The following BCL7B variants were observed in gnomAD, a reference collection of about 807,000 sequenced individuals.
BCL7B encodes BAF chromatin remodeling complex subunit BCL7B.
In BCL7B, 11 loss-of-function variants were observed where a neutral mutation model predicts 26.5. That is an observed-to-expected ratio of 0.42 (90% CI 0.26 to 0.69). BCL7B has a LOEUF of 0.69. Ranked by LOEUF, BCL7B falls within the 30% of genes least tolerant of loss-of-function variation. The probability of loss-of-function intolerance (pLI) is 0.28; values close to 1 mark genes in which losing one functional copy is unlikely to be tolerated. For synonymous variants in BCL7B, 111 were observed against 107.9 expected (o/e 1.03, Z -0.18); for missense variants, 215 against 264.4 (o/e 0.81, Z 1.30).
chr7:73,537,959 TC>T lies in BCL7B; in HGVS notation c.490del (p.Glu164LysfsTer6). 6.2e-7 allele frequency: 1 copy of T among 1,601,980 alleles called. No individual in the cohort carries two copies. The highest frequency in any genetic ancestry group is 8.5e-7 in the Non-Finnish European group (1 of 1,175,094). On this transcript the variant is annotated frameshift_variant, in exon 5 of 6. Transcript: ENST00000223368. LOFTEE classifies it high-confidence loss of function. The part of the protein sequence containing the change: ...VADEPPTLTK[E>X]EPVPLETQVV... Reference sequence around the variant, plus strand: ...CTGTGTCTCTAGTGGAACTGGTTCTTCCTTGGTGAGGGTAGGAGGTTCATCA... The same window carrying T: ...CTGTGTCTCTAGTGGAACTGGTTCTTCTTGGTGAGGGTAGGAGGTTCATCA...
chr7:73,552,372 G>T, intron 1 of BCL7B, 130 bp from the exon 2 acceptor site: 1 of 752,656 alleles, frequency 1.3e-6, no homozygotes. Flanking sequence ...TCTTGGTGGG[G>T]TATGGTAGCT....
intron 1 of BCL7B, 33 bp downstream of exon 1, chr7:73,557,453 AC>A (rs1554584883): frequency 9.5e-6 from 12 of 1,260,936 alleles, no homozygotes; most frequent in Admixed American, 3.6e-5. Context: ...TGGATCCGCG[AC>A]CCCCGCCAGC....
intron 2 of BCL7B, among the ~76,000 whole-genome samples, chr7:73,547,209 T>C (rs990685540): frequency 1.3e-5 from 2 of 151,708 alleles, no homozygotes; most frequent in African/African-American, 2.4e-5. Context: ...ACACCTGTGA[T>C]CCCAGCACTT....
chr7:73,553,970 C>CT (rs34326622), intron 1 of BCL7B, among the ~76,000 whole-genome samples: 1,889 of 127,844 alleles, frequency 0.015, 20 homozygotes, highest in Middle Eastern at 0.079. Context: ...ACAAAGGAGA[C>CT]TTTTTTTTTT....
intron 2 of BCL7B, 122 bp from the exon 3 acceptor site, chr7:73,543,766 AG>A: frequency 2.8e-6 from 2 of 724,018 alleles, no homozygotes; most frequent in Non-Finnish European, 4.6e-6. Flanking sequence ...AAACGACAGC[AG>A]CGTGAGAATC....
intron 2 of BCL7B, among the ~76,000 whole-genome samples, chr7:73,546,724 A>C (rs1417774423): frequency 1.3e-5 from 2 of 152,212 alleles, no homozygotes; most frequent in African/African-American, 4.8e-5. Context: ...GTTATGAAAA[A>C]TACAATTGCT....
intron 1 of BCL7B, 29 bp from the exon 2 acceptor site, chr7:73,552,271 TA>T: frequency 1.3e-6 from 2 of 1,554,964 alleles, no homozygotes; most frequent in Non-Finnish European, 1.8e-6. Context: ...TTAGAACGGA[TA>T]AAACAATGCA....
chr7:73,557,209 A>C (rs1554584819), intron 1 of BCL7B: 2 of 1,051,096 alleles, frequency 1.9e-6, no homozygotes, highest in African/African-American at 3.4e-5. Flanking sequence ...GACGCCAGGC[A>C]GCTCCAGTCC....
At chr7:73,548,934 A>AAAAC (rs781790517) in intron 2 of BCL7B, among the ~76,000 whole-genome samples, 4 of 152,106 alleles carry the variant, frequency 2.6e-5, no homozygotes, top group South Asian at 4.1e-4. Flanking sequence ...CCGTCTCAAA[A>AAAAC]AAACAAACAA....
rs1791695593 is a variant in BCL7B, at chr7:73,540,012, C to A, written c.306G>T (p.Gln102His). The change falls in exon 4 of 6, where the codon CAG (glutamine) becomes CAT (histidine). Residue 102 changes from glutamine to histidine, a missense_variant. Coordinates refer to ENST00000223368, the MANE Select transcript of BCL7B (RefSeq NM_001707.4). ...SNQSSVSDVY[Q>H]LKVDSSTNSS... is the part of the protein sequence containing the mutation. ...AGTTGGTGCTGCTGTCCACCTTAAGCTGATAGACGTCAGACACGGAACTCT... is the reference window on the plus strand; with the variant it reads ...AGTTGGTGCTGCTGTCCACCTTAAGATGATAGACGTCAGACACGGAACTCT... The A allele has an allele frequency of 2.5e-6, 4 of 1,613,900 alleles. No homozygotes were observed. The highest frequency in any genetic ancestry group is 3.4e-6 in the Non-Finnish European group (4 of 1,180,038).
chr7:73,542,708 G>C (rs1281779992), intron 3 of BCL7B: 2 of 214,548 alleles, frequency 9.3e-6, no homozygotes, highest in African/African-American at 4.5e-5. Flanking sequence ...GGCGGGATTG[G>C]TTTAGGAGGC....
chr7:73,539,922 A>G lies in BCL7B; in HGVS notation c.396T>C (p.Asp132=), dbSNP rs1554582619. ...GGCCCAGCGTTGGGGGCTGGGAGTCATCCGTGCGGAAGTCGGAGGTGTGTG... is the reference window on the plus strand; with the variant it reads ...GGCCCAGCGTTGGGGGCTGGGAGTCGTCCGTGCGGAAGTCGGAGGTGTGTG... The part of the protein sequence containing the change: ...SPAHTSDFRT[D]DSQPPTLGQE... The change falls in exon 4 of 6, where the codon GAT becomes GAC. Residue 132 remains aspartate, a synonymous_variant. Coordinates refer to ENST00000223368, the MANE Select transcript of BCL7B (RefSeq NM_001707.4). 1.2e-6 allele frequency: 2 copies of G among 1,614,006 alleles called. No homozygotes were observed. Among genetic ancestry groups the G allele is most frequent in the Non-Finnish European group, 1.7e-6 (2 of 1,180,028 alleles).
chr7:73,554,434 A>G (rs1041214160), intron 1 of BCL7B, among the ~76,000 whole-genome samples: 15 of 152,116 alleles, frequency 9.9e-5, no homozygotes, highest in Non-Finnish European at 2.1e-4. Context: ...AGTCAAGTCC[A>G]AATATGAAGT....
chr7:73,547,806 A>G (rs2115788089), intron 2 of BCL7B, among the ~76,000 whole-genome samples: 1 of 152,242 alleles, frequency 6.6e-6, no homozygotes, highest in African/African-American at 2.4e-5. Flanking sequence ...AAACAAATGT[A>G]GGAGAAAACA....
chr7:73,543,179 C>CT (rs367675475), intron 3 of BCL7B, among the ~76,000 whole-genome samples: 1,590 of 142,122 alleles, frequency 0.011, 18 homozygotes, highest in African/African-American at 0.031. Flanking sequence ...ACACAGAATT[C>CT]TTTTTTTTTT....
chr7:73,540,901 C>CT (rs1179994614), intron 3 of BCL7B, among the ~76,000 whole-genome samples: 3 of 145,978 alleles, frequency 2.1e-5, no homozygotes, highest in Non-Finnish European at 4.5e-5. Context: ...AATCCCAGCA[C>CT]TTTGGGAGGC....
chr7:73,538,186 A>T (rs1374133231), intron 4 of BCL7B, 173 bp from the exon 5 acceptor site: 2 of 425,184 alleles, frequency 4.7e-6, no homozygotes, highest in African/African-American at 4.1e-5. Flanking sequence ...GAATGGTGGA[A>T]GGGCAAAATA....
chr7:73,543,098 GA>G (rs1473383324), intron 3 of BCL7B, among the ~76,000 whole-genome samples: 2 of 151,946 alleles, frequency 1.3e-5, no homozygotes, highest in Non-Finnish European at 2.9e-5. Flanking sequence ...GAGTTATCGT[GA>G]AGTTTAAATG....
At chr7:73,546,124 T>G (rs1453172945) in intron 2 of BCL7B, among the ~76,000 whole-genome samples, 3 of 122,752 alleles carry the variant, frequency 2.4e-5, no homozygotes, top group African/African-American at 6.4e-5. Context: ...AGAGCGAGAC[T>G]CCATCTCAAA....
Sources: gnomAD v4.1 joint callset for allele counts (sites outside exome capture counted in the v4.1 genomes callset) on GRCh38, gnomAD v4.1.1 for gene constraint, MANE v1.5 for transcripts, NCBI Gene and HGNC (gene_info 2026-07-23, HGNC 2026-07-21) for gene names.